RALYL: variants seen among roughly 807,000 people sequenced by gnomAD.
RALYL encodes RALY RNA binding protein like.
Under a neutral mutation model 35.1 loss-of-function variants are expected in RALYL, and 29 were observed. The observed-to-expected ratio is 0.83, with a 90% CI of 0.61 to 1.13. RALYL has a LOEUF of 1.13. RALYL is among the 50% of genes most tolerant of loss of function. The pLI, the probability that RALYL is intolerant of heterozygous loss-of-function variation, is 0.00. For synonymous variants in RALYL, 120 were observed against 127.6 expected (o/e 0.94, Z 0.40); for missense variants, 359 against 360.4 (o/e 1.00, Z 0.03).
chr8:84,619,788 G>T (rs1820850285), intron 2 of RALYL, among the ~76,000 whole-genome samples: 1 of 150,956 alleles, frequency 6.6e-6, no homozygotes, highest in Admixed American at 6.6e-5. Context: ...GGGCAGGCCT[G>T]ATGGTGACAA....
At chr8:84,366,196 C>A (rs370254670) in intron 1 of RALYL, among the ~76,000 whole-genome samples, 10 of 152,210 alleles carry the variant, frequency 6.6e-5, no homozygotes, top group East Asian at 3.9e-4. Flanking sequence ...AGAAGATGAT[C>A]TCCCAAAATT....
At chr8:84,304,218 CGCCATTGTCCT>C (rs914346677) in intron 1 of RALYL, among the ~76,000 whole-genome samples, 19 of 151,962 alleles carry the variant, frequency 1.3e-4, no homozygotes, top group Admixed American at 1.2e-3. Context: ...CCCGGGTTCA[CGCCATTGTCCT>C]GCCTCAGCCT....
At chr8:84,697,040 C>G (rs905238620) in intron 2 of RALYL, among the ~76,000 whole-genome samples, 1 of 151,844 alleles carries the variant, frequency 6.6e-6, no homozygotes, top group Admixed American at 6.6e-5. Context: ...GTAATTATAA[C>G]TAAATAGGAA....
At chr8:84,371,507 T>G (rs1481135874) in intron 1 of RALYL, among the ~76,000 whole-genome samples, 3 of 150,014 alleles carry the variant, frequency 2.0e-5, no homozygotes, top group Non-Finnish European at 4.4e-5. Context: ...GGAGCACAAG[T>G]TTATTAAAAA....
intron 2 of RALYL, among the ~76,000 whole-genome samples, chr8:84,725,118 A>G (rs1844696810): frequency 1.3e-5 from 2 of 151,640 alleles, no homozygotes; most frequent in African/African-American, 4.8e-5. Context: ...AGATCTGCCT[A>G]AATCAATACT....
intron 1 of RALYL, among the ~76,000 whole-genome samples, chr8:84,411,790 A>G (rs2044130465): frequency 1.3e-5 from 2 of 151,964 alleles, no homozygotes; most frequent in South Asian, 4.1e-4. Flanking sequence ...AAATCGTCAT[A>G]TGTCTTCTAA....
chr8:84,759,246 C>G (rs1812131552), intron 2 of RALYL, among the ~76,000 whole-genome samples: 1 of 152,100 alleles, frequency 6.6e-6, no homozygotes, highest in African/African-American at 2.4e-5. Context: ...TTTACAGGTT[C>G]CAGGAATTGG....
intron 1 of RALYL, among the ~76,000 whole-genome samples, chr8:84,329,954 C>T (rs886470272): frequency 6.6e-6 from 1 of 151,744 alleles, no homozygotes; most frequent in Non-Finnish European, 1.5e-5. Flanking sequence ...AAAAGCACTA[C>T]CTTATAGTTA....
chr8:84,310,344 G>GT (rs1306361787), intron 1 of RALYL, among the ~76,000 whole-genome samples: 3 of 149,988 alleles, frequency 2.0e-5, no homozygotes, highest in African/African-American at 7.4e-5. Context: ...TGGCATATGT[G>GT]TTTTTTTAAA....
At chr8:84,350,366 G>A (rs1414527011) in intron 1 of RALYL, among the ~76,000 whole-genome samples, 4 of 150,496 alleles carry the variant, frequency 2.7e-5, no homozygotes, top group Middle Eastern at 6.8e-3. Context: ...GTTGAGTGCT[G>A]TTTTTCAAGT....
chr8:84,608,146 C>A (rs540690046), intron 2 of RALYL, among the ~76,000 whole-genome samples: 2 of 152,200 alleles, frequency 1.3e-5, no homozygotes, highest in South Asian at 4.1e-4. Flanking sequence ...CCCGAATTTC[C>A]TGCACAAAGG....
At chr8:84,192,287 T>G (rs1422383799) in intron 1 of RALYL, among the ~76,000 whole-genome samples, 1 of 152,208 alleles carries the variant, frequency 6.6e-6, no homozygotes, top group East Asian at 1.9e-4. Flanking sequence ...TATTCCACAT[T>G]GAAGATACAT....
At chr8:84,810,844 C>A (rs946068454) in intron 4 of RALYL, among the ~76,000 whole-genome samples, 5 of 152,096 alleles carry the variant, frequency 3.3e-5, no homozygotes, top group African/African-American at 1.2e-4. Context: ...GCATAAAATG[C>A]CTTTTTCCAC....
chr8:84,304,045 TTC>T (rs1339182023), intron 1 of RALYL, among the ~76,000 whole-genome samples: 1 of 152,132 alleles, frequency 6.6e-6, no homozygotes, highest in Admixed American at 6.5e-5. Context: ...AATGGGAACT[TTC>T]TCTTTTTATT....
chr8:84,523,973 C>T (rs954006254), intron 1 of RALYL, among the ~76,000 whole-genome samples: 8 of 152,050 alleles, frequency 5.3e-5, no homozygotes, highest in African/African-American at 1.7e-4. Flanking sequence ...CTGCAATAAA[C>T]ATACATGTGC....
At chr8:84,615,569 T>TC (rs1469039423) in intron 2 of RALYL, among the ~76,000 whole-genome samples, 9 of 126,306 alleles carry the variant, frequency 7.1e-5, no homozygotes, top group African/African-American at 2.8e-4. Flanking sequence ...AGAACTTTCG[T>TC]CTTTTTTTTT....
intron 8 of RALYL, among the ~76,000 whole-genome samples, chr8:84,911,593 A>G (rs1453257042): frequency 2.0e-5 from 3 of 152,090 alleles, no homozygotes; most frequent in African/African-American, 7.2e-5. Flanking sequence ...GGTGTCCTAT[A>G]GTTGATTCAG....
chr8:84,714,402 A>G (rs1177640319), intron 2 of RALYL, among the ~76,000 whole-genome samples: 1 of 151,898 alleles, frequency 6.6e-6, no homozygotes, highest in Admixed American at 6.6e-5. Context: ...AGTAGATTTT[A>G]AATGTTTTCA....
chr8:84,652,189 C>G lies in RALYL; in HGVS notation c.257-122390C>G, dbSNP rs866914535. 2.6e-5 allele frequency among the ~76,000 whole-genome samples: 4 copies of G among 152,022 alleles called. No individual in the cohort carries two copies. In the South Asian group the frequency reaches 6.2e-4, roughly 24 times the overall value. On this transcript the variant is annotated intron_variant, in intron 2 of 8. Transcript: ENST00000521268. Reference sequence around the variant, plus strand: ...AGGAGGGTAAAAATATAAATCTCTTCTTCCAAAGAAACTTTTGTTATCAAA... The same window carrying G: ...AGGAGGGTAAAAATATAAATCTCTTGTTCCAAAGAAACTTTTGTTATCAAA...
Sources: gnomAD v4.1 joint callset for allele counts (sites outside exome capture counted in the v4.1 genomes callset) on GRCh38, gnomAD v4.1.1 for gene constraint, MANE v1.5 for transcripts, NCBI Gene and HGNC (gene_info 2026-07-23, HGNC 2026-07-21) for gene names.